CEP63: variants seen among roughly 807,000 people sequenced by gnomAD.
CEP63 encodes the protein centrosomal protein of 63 kDa.
Under a neutral mutation model 89.1 loss-of-function variants are expected in CEP63, and 84 were observed. That is an observed-to-expected ratio of 0.94 (90% CI 0.79 to 1.13). The LOEUF is 1.13. Among genes scored for constraint, CEP63 ranks in the 50% most tolerant of loss-of-function variants. The probability of loss-of-function intolerance (pLI) is 0.00; values close to 1 mark genes in which losing one functional copy is unlikely to be tolerated. For synonymous variants in CEP63, 267 were observed against 272.5 expected, an observed-to-expected ratio of 0.98 and a Z score of 0.20; for missense variants, 838 against 813.3, an observed-to-expected ratio of 1.03 and a Z score of -0.37.
chr3:134,529,726 TAA>T (rs1949472154), intron 3 of CEP63, among the ~76,000 whole-genome samples: 1 of 151,924 alleles, frequency 6.6e-6, no homozygotes, highest in Non-Finnish European at 1.5e-5. Context: ...AGGCTGGTCT[TAA>T]ACTCCTGGGC....
downstream of CEP63, among the ~76,000 whole-genome samples, chr3:134,587,836 T>TA (rs79610579): frequency 0.026 from 3,055 of 117,052 alleles, 70 homozygotes; most frequent in African/African-American, 0.069. Flanking sequence ...GACCCCCCTA[T>TA]AAAAAAAAAA....
the CEP63 span, among the ~76,000 whole-genome samples, chr3:134,623,621 C>T: frequency 2.0e-5 from 3 of 151,566 alleles, no homozygotes; most frequent in African/African-American, 7.3e-5. Context: ...TCTGCAGGCT[C>T]CTGTGGGATC....
chr3:134,619,043 TA>T, the CEP63 span: 4 of 907,384 alleles, frequency 4.4e-6, no homozygotes, highest in Non-Finnish European at 7.2e-6. Context: ...GCAGAGTTTG[TA>T]AACTCAGGTT....
the CEP63 span, among the ~76,000 whole-genome samples, chr3:134,742,559 A>C: frequency 1.3e-5 from 2 of 152,208 alleles, no homozygotes; most frequent in African/African-American, 4.8e-5. Context: ...TGTAGTTCTC[A>C]TGAGTAACTG....
At chr3:134,680,091 G>A in the CEP63 span, among the ~76,000 whole-genome samples, 154 of 152,296 alleles carry the variant, frequency 1.0e-3, no homozygotes, top group African/African-American at 3.6e-3. Flanking sequence ...GGAAGATCAT[G>A]TGAAGACACA....
the CEP63 span, among the ~76,000 whole-genome samples, chr3:134,737,722 G>A: frequency 5.3e-5 from 8 of 152,326 alleles, 1 homozygote; most frequent in South Asian, 1.4e-3. Flanking sequence ...TTCTTCTCAT[G>A]TCTGGCACCT....
intron 6 of CEP63, among the ~76,000 whole-genome samples, chr3:134,538,198 GTTTTTT>G (rs66539157): frequency 1.8e-4 from 20 of 112,610 alleles, no homozygotes; most frequent in Non-Finnish European, 3.6e-4. Context: ...AGAAGGGAGG[GTTTTTT>G]TTTTTTTTTT....
At chr3:134,619,379 T>C in the CEP63 span, 1 of 757,450 alleles carries the variant, frequency 1.3e-6, no homozygotes, top group African/African-American at 1.7e-5. Flanking sequence ...TACAGTGGGC[T>C]GAATGGAACT....
In CEP63 at chr3:134,559,393, T is replaced by C. The variant is rs1396410816; in HGVS notation, c.1917T>C (p.Ser639=). ...AAGCCAATTTTTCTGACACTATGTCTGAGAGTATGAATGACCAAGAAGAGT... is the reference window on the plus strand; with the variant it reads ...AAGCCAATTTTTCTGACACTATGTCCGAGAGTATGAATGACCAAGAAGAGT... ...TNEANFSDTM[S]ESMNDQEEFI... is the part of the protein sequence containing the mutation. Residue 639 remains serine, a synonymous_variant, in exon 14 of 15, where the codon TCT becomes TCC. Coordinates refer to ENST00000675561, the MANE Select transcript of CEP63 (RefSeq NM_001353108.3). 3 of 1,613,620 alleles carry C rather than the reference T, an allele frequency of 1.9e-6. No homozygotes were observed. Among genetic ancestry groups the C allele is most frequent in the African/African-American group, 2.7e-5 (2 of 74,928 alleles).
At chr3:134,544,636 T>TGTG (rs1553774710) in intron 6 of CEP63, among the ~76,000 whole-genome samples, 11 of 145,330 alleles carry the variant, frequency 7.6e-5, no homozygotes, top group African/African-American at 2.3e-4. Flanking sequence ...ATGCTCTAGG[T>TGTG]GGGGGGGGGA....
intron 3 of CEP63, among the ~76,000 whole-genome samples, chr3:134,528,011 C>A (rs1293864367): frequency 6.6e-6 from 1 of 152,180 alleles, no homozygotes; most frequent in Admixed American, 6.5e-5. Flanking sequence ...TGGCTTGCTG[C>A]CCCTATCACT....
chr3:134,491,188 A>G (rs536496314), intron 1 of CEP63, among the ~76,000 whole-genome samples: 1 of 152,270 alleles, frequency 6.6e-6, no homozygotes, highest in Non-Finnish European at 1.5e-5. Context: ...ATTCCTACCT[A>G]TTATGTATAT....
chr3:134,570,161 T>C (rs898474770), intron 11 of CEP63, among the ~76,000 whole-genome samples: 1 of 152,214 alleles, frequency 6.6e-6, no homozygotes, highest in Non-Finnish European at 1.5e-5. Flanking sequence ...ACCTCTGAAA[T>C]GCCCTGGAGA....
the CEP63 span, among the ~76,000 whole-genome samples, chr3:134,638,523 A>T: frequency 6.6e-6 from 1 of 152,186 alleles, no homozygotes; most frequent in African/African-American, 2.4e-5. Flanking sequence ...AGTTGTCAAC[A>T]AAATCACATT....
the CEP63 span, among the ~76,000 whole-genome samples, chr3:134,632,383 G>T: frequency 6.6e-6 from 1 of 151,854 alleles, no homozygotes. Context: ...AACCTAAAAA[G>T]TTGAAGAGAA....
chr3:134,504,169 C>G (rs9820150), intron 2 of CEP63, among the ~76,000 whole-genome samples: 102,482 of 150,436 alleles, frequency 0.68, 35,168 homozygotes, highest in East Asian at 0.82. Context: ...TTGTGTTTCT[C>G]CTCCACGAGT....
the CEP63 span, chr3:134,629,807 G>C: frequency 1.4e-6 from 1 of 690,964 alleles, no homozygotes; most frequent in South Asian, 1.7e-5. Flanking sequence ...TTTCTTTTGT[G>C]TGTACAAATC....
the CEP63 span, among the ~76,000 whole-genome samples, chr3:134,751,772 C>G: frequency 1.5e-4 from 23 of 152,146 alleles, no homozygotes; most frequent in African/African-American, 5.6e-4. Context: ...CTTTACTGAG[C>G]CCTTAACATT....
the CEP63 span, among the ~76,000 whole-genome samples, chr3:134,622,014 T>C: frequency 6.6e-6 from 1 of 152,314 alleles, no homozygotes; most frequent in East Asian, 1.9e-4. Flanking sequence ...CACAATGAGA[T>C]AGCACTTCAG....
Sources: gnomAD v4.1 joint callset for allele counts (sites outside exome capture counted in the v4.1 genomes callset) on GRCh38, gnomAD v4.1.1 for gene constraint, MANE v1.5 for transcripts, NCBI Gene and HGNC (gene_info 2026-07-23, HGNC 2026-07-21) for gene names.